PIWIL3: variants seen among roughly 807,000 people sequenced by gnomAD.
PIWIL3 encodes piwi-like protein 3.
A neutral mutation model predicts 109.7 loss-of-function variants in PIWIL3; 101 were observed. The observed-to-expected ratio is 0.92, with a 90% CI of 0.78 to 1.09. The LOEUF (loss-of-function observed/expected upper bound fraction) is 1.09, where lower values mean the gene tolerates loss of function less well. Among genes scored for constraint, PIWIL3 ranks in the 50% least tolerant of loss-of-function variants. The probability of loss-of-function intolerance (pLI) is 0.00; values close to 1 mark genes in which losing one functional copy is unlikely to be tolerated. For synonymous variants in PIWIL3, 373 were observed against 376.4 expected (o/e 0.99, Z 0.10); for missense variants, 1,031 against 1,072.6 (o/e 0.96, Z 0.54).
At chr22:24,766,757 T>C (rs1601855144) in intron 1 of PIWIL3, among the ~76,000 whole-genome samples, 1 of 152,202 alleles carries the variant, frequency 6.6e-6, no homozygotes, top group Non-Finnish European at 1.5e-5. Flanking sequence ...TCTTAACTAA[T>C]CTTTGTCTTA....
At chr22:24,743,014 A>T (rs1241212720) in intron 12 of PIWIL3, among the ~76,000 whole-genome samples, 2 of 152,228 alleles carry the variant, frequency 1.3e-5, no homozygotes, top group Non-Finnish European at 2.9e-5. Context: ...TGATATCCAG[A>T]ATCTACAAGG....
At chr22:24,763,455 C>T (rs1446928526) in intron 1 of PIWIL3, among the ~76,000 whole-genome samples, 1 of 152,086 alleles carries the variant, frequency 6.6e-6, no homozygotes, top group Non-Finnish European at 1.5e-5. Flanking sequence ...CTCGTGCCAC[C>T]ACGCCTGGCT....
chr22:24,751,761 C>A (rs528548181), intron 8 of PIWIL3, among the ~76,000 whole-genome samples: 1 of 152,210 alleles, frequency 6.6e-6, no homozygotes. Flanking sequence ...ATCCACCAGC[C>A]TTCAGGCAGC....
At chr22:24,766,962 TA>T (rs11305328) in intron 1 of PIWIL3, among the ~76,000 whole-genome samples, 93,256 of 143,250 alleles carry the variant, frequency 0.65, 29,556 homozygotes, top group East Asian at 0.74. Context: ...ACACCGTCTC[TA>T]AAAAAAAAAA....
intron 2 of PIWIL3, among the ~76,000 whole-genome samples, chr22:24,760,818 C>A (rs1925392550): frequency 7.8e-6 from 1 of 128,026 alleles, no homozygotes; most frequent in African/African-American, 2.9e-5. Context: ...TGACAGGATA[C>A]CAGGCAGAGG....
intron 12 of PIWIL3, among the ~76,000 whole-genome samples, chr22:24,738,024 C>T (rs1035118281): frequency 6.6e-6 from 1 of 151,926 alleles, no homozygotes; most frequent in South Asian, 2.1e-4. Context: ...TGGTGGTGGG[C>T]GCTGTAATCC....
intron 14 of PIWIL3, among the ~76,000 whole-genome samples, chr22:24,732,965 C>T (rs1923441490): frequency 6.6e-6 from 1 of 152,152 alleles, no homozygotes; most frequent in African/African-American, 2.4e-5. Context: ...TTTGCTGGTT[C>T]CCAATGGGGG....
rs1569108850 is a variant in PIWIL3 at position 24,756,623 on chromosome 22, GT to G, written c.437del (p.Asn146ThrfsTer8). ...CTTCTATGTCTGGTTTGTAGTCAAC[GT>G]TGTATTTATATGCAACCCACTGAGG... is the stretch of plus-strand genomic sequence containing the variant. ...SRPQWVAYKY[N>X]VDYKPDIEDG... On this transcript the variant is annotated frameshift_variant, in exon 5 of 21. Coordinates refer to ENST00000616349, the MANE Select transcript of PIWIL3 (RefSeq NM_001255975.1). LOFTEE classifies it high-confidence loss of function. The G allele has an allele frequency of 6.2e-7, 1 of 1,613,930 alleles. No individual in the cohort carries two copies. Among genetic ancestry groups the G allele is most frequent in the South Asian group, 1.1e-5 (1 of 91,058 alleles).
rs984492506 is a variant in PIWIL3, at chr22:24,767,378, A to AAAT, written c.-22-4858_-22-4857insATT. On this transcript the variant is annotated intron_variant, in intron 1 of 20. Transcript: ENST00000616349. ...TGGTGAAACCCCGTCTCTACTAAAA[A>AAAT]AAATAAATAAATAAATAAATAAATT... 7.0e-3 allele frequency among the ~76,000 whole-genome samples: 1,055 copies of AAAT among 151,066 alleles called. 12 individuals carry two copies. Among genetic ancestry groups the AAAT allele is most frequent in the African/African-American group, 0.023 (959 of 40,992 alleles).
intron 13 of PIWIL3, among the ~76,000 whole-genome samples, chr22:24,734,826 T>G (rs1175391926): frequency 6.6e-6 from 1 of 151,422 alleles, no homozygotes; most frequent in Non-Finnish European, 1.5e-5. Flanking sequence ...ATAACTTTTT[T>G]TTTTTTTTTT....
At chr22:24,738,555 C>G (rs936445558) in intron 12 of PIWIL3, among the ~76,000 whole-genome samples, 6 of 152,334 alleles carry the variant, frequency 3.9e-5, no homozygotes, top group Admixed American at 3.9e-4. Context: ...CACAGAGACA[C>G]AGAAAGTAAG....
At chr22:24,763,647 GACTC>G (rs1925590868) in intron 1 of PIWIL3, among the ~76,000 whole-genome samples, 1 of 152,104 alleles carries the variant, frequency 6.6e-6, no homozygotes, top group Non-Finnish European at 1.5e-5. Context: ...TCCACACAGA[GACTC>G]ACAAGACACT....
At chr22:24,730,273 G>A (rs1310615953) in intron 14 of PIWIL3, among the ~76,000 whole-genome samples, 1 of 147,444 alleles carries the variant, frequency 6.8e-6, no homozygotes, top group African/African-American at 2.5e-5. Context: ...GCTGAGGCAG[G>A]AGAATAGCTT....
Position 24,763,627 on chromosome 22 carries a change from A to G in PIWIL3, c.-22-1106T>C, listed in dbSNP as rs546942241. On this transcript the variant is annotated intron_variant, in intron 1 of 20. Transcript: ENST00000616349. ...ACTTCTCTAGAAATTTAAGGAAACT[A>G]TGGTTATCTTCCACACAGAGACTCA... Among the ~76,000 whole-genome samples, 6 of 152,198 alleles carry G rather than the reference A, an allele frequency of 3.9e-5. No individual in the cohort carries two copies. In the South Asian group the frequency reaches 8.3e-4, roughly 21 times the overall value.
chr22:24,722,532 G>A (rs911875880), intron 19 of PIWIL3, among the ~76,000 whole-genome samples: 2 of 151,938 alleles, frequency 1.3e-5, no homozygotes, highest in Admixed American at 6.6e-5. Context: ...GGCCAACACG[G>A]TGAAACCCCG....
intron 12 of PIWIL3, among the ~76,000 whole-genome samples, chr22:24,736,681 C>T (rs1487707821): frequency 2.0e-5 from 3 of 151,668 alleles, no homozygotes; most frequent in African/African-American, 7.2e-5. Flanking sequence ...GAAAGAGGCA[C>T]TGAAGGTAGG....
intron 12 of PIWIL3, among the ~76,000 whole-genome samples, chr22:24,738,334 C>T (rs1923788389): frequency 2.0e-5 from 3 of 152,206 alleles, no homozygotes; most frequent in Admixed American, 2.0e-4. Context: ...CTTACTGCCC[C>T]TGAAGGGAAG....
Position 24,719,750 on chromosome 22 carries a change from G to C in PIWIL3, c.2503C>G (p.Pro835Ala), listed in dbSNP as rs201599301. ...YCLCHMYYNL[P>A]GIIRVPAPCH... ...AAAAAGTAACAAAAAGTACTTACTG[G>C]CAAATTATAATACATGTGGCATAGA... The change falls in exon 20 of 21, where the codon CCA (proline) becomes GCA (alanine). Residue 835 changes from proline (P) to alanine (A), a missense_variant and splice_region_variant. Pro to Ala is a conservative substitution (Grantham distance 27). Transcript: ENST00000616349. 6 of 1,610,292 alleles carry C rather than the reference G, an allele frequency of 3.7e-6. No individual in the cohort carries two copies. Among genetic ancestry groups the C allele is most frequent in the African/African-American group, 2.7e-5 (2 of 74,794 alleles).
chr22:24,753,545 A>G (rs1005343308), intron 8 of PIWIL3, among the ~76,000 whole-genome samples: 1 of 152,182 alleles, frequency 6.6e-6, no homozygotes, highest in South Asian at 2.1e-4. Flanking sequence ...AAGTTTTAAA[A>G]TTGAGAAGTG....
Sources: allele counts gnomAD v4.1 joint callset (sites outside exome capture counted in the v4.1 genomes callset), GRCh38; gene constraint gnomAD v4.1.1; transcripts MANE v1.5; gene names NCBI Gene and HGNC (gene_info 2026-07-23, HGNC 2026-07-21).